The following COL14A1 variants were observed in gnomAD, a reference collection of about 807,000 sequenced individuals.
COL14A1 encodes the protein collagen alpha-1(XIV) chain.
COL14A1 carries 136 observed loss-of-function variants against 230.3 expected under a neutral mutation model. That is an observed-to-expected ratio of 0.59 (90% confidence interval 0.51 to 0.68). The LOEUF is 0.68. Ranked by LOEUF, COL14A1 falls within the 30% of genes least tolerant of loss-of-function variation. The probability of loss-of-function intolerance (pLI) is 0.00; values close to 1 mark genes in which losing one functional copy is unlikely to be tolerated. For missense variants in COL14A1, 1,976 were observed against 2,215.8 expected (o/e 0.89, Z 2.17); for synonymous variants, 792 against 784.1 (o/e 1.01, Z -0.17).
At chr8:120,318,370 G>C (rs1821310432) in intron 40 of COL14A1, among the ~76,000 whole-genome samples, 1 of 152,170 alleles carries the variant, frequency 6.6e-6, no homozygotes, top group Non-Finnish European at 1.5e-5. Context: ...CCTGGGGCCA[G>C]AAAGACAAAA....
intron 3 of COL14A1, 26 bp from the exon 4 acceptor site, chr8:120,162,400 T>C (rs1217385928): frequency 1.9e-6 from 3 of 1,576,774 alleles, no homozygotes; most frequent in East Asian, 2.2e-5. Flanking sequence ...TTCTTAGAAC[T>C]GATTTATTTT....
At chr8:120,241,984 C>G (rs1818621086) in intron 19 of COL14A1, among the ~76,000 whole-genome samples, 1 of 152,128 alleles carries the variant, frequency 6.6e-6, no homozygotes, top group South Asian at 2.1e-4. Flanking sequence ...CATGATGCTA[C>G]AAGTGGAAAA....
At chr8:120,360,987 C>G (rs1483622627) in intron 45 of COL14A1, among the ~76,000 whole-genome samples, 2 of 152,162 alleles carry the variant, frequency 1.3e-5, no homozygotes, top group Non-Finnish European at 2.9e-5. Context: ...CCTCTGCACC[C>G]CTGCTTCTAG....
chr8:120,195,746 A>G (rs1326721206), intron 5 of COL14A1, among the ~76,000 whole-genome samples: 3 of 152,210 alleles, frequency 2.0e-5, no homozygotes, highest in Admixed American at 6.5e-5. Context: ...AGAGAACAGC[A>G]TGGGAAATAC....
chr8:120,234,340 G>A (rs748016454), intron 19 of COL14A1, among the ~76,000 whole-genome samples: 13 of 151,978 alleles, frequency 8.6e-5, no homozygotes, highest in Non-Finnish European at 1.3e-4. Context: ...CCAGAACCTC[G>A]AATACTATGT....
chr8:120,196,678 A>C, intron 5 of COL14A1, 113 bp from the exon 6 acceptor site: 1 of 1,048,894 alleles, frequency 9.5e-7, no homozygotes, highest in South Asian at 1.8e-5. Context: ...GGCTGCTCCT[A>C]CGGGAACTCT....
At chr8:120,255,036 C>T (rs1349195277) in intron 22 of COL14A1, among the ~76,000 whole-genome samples, 1 of 152,002 alleles carries the variant, frequency 6.6e-6, no homozygotes, top group African/African-American at 2.4e-5. Context: ...GCAGACAGAC[C>T]ACATCATGCA....
intron 19 of COL14A1, among the ~76,000 whole-genome samples, chr8:120,232,498 A>G (rs1365270840): frequency 6.6e-6 from 1 of 152,126 alleles, no homozygotes; most frequent in Non-Finnish European, 1.5e-5. Context: ...ACTCCCACTT[A>G]TGAGTGAGAA....
intron 13 of COL14A1, 96 bp from the exon 14 acceptor site, chr8:120,216,255 T>G: frequency 1.0e-6 from 1 of 983,232 alleles, no homozygotes; most frequent in Non-Finnish European, 1.5e-6. Context: ...GGTGACACTT[T>G]TCATATGTAA....
intron 18 of COL14A1, among the ~76,000 whole-genome samples, chr8:120,230,049 C>T (rs1045441545): frequency 3.3e-5 from 5 of 152,096 alleles, no homozygotes; most frequent in Non-Finnish European, 5.9e-5. Flanking sequence ...CCTGGCTAAT[C>T]GTTTTGAATT....
At chr8:120,314,944 G>A (rs1027289454) in intron 38 of COL14A1, among the ~76,000 whole-genome samples, 13 of 152,130 alleles carry the variant, frequency 8.5e-5, no homozygotes, top group South Asian at 2.1e-4. Context: ...TGTTCAAGCC[G>A]CCCTGCATGT....
Position 120,158,146 on chromosome 8 carries a change from G to A in COL14A1, c.105G>A (p.Arg35=). 6.3e-7 allele frequency: 1 copy of A among 1,584,378 alleles called. No homozygotes were observed. The highest frequency in any genetic ancestry group is 8.6e-7 in the Non-Finnish European group (1 of 1,161,756). The part of the protein sequence containing the change: ...IVQGQVAPPT[R]LRYNVISHDS... ...CCTTTTCAGTGGCTCCACCCACAAG[G>A]TTAAGATATAATGTAATATCTCATG... The change falls in exon 3 of 48, where the codon AGG becomes AGA. Residue 35 remains arginine (R), a synonymous_variant. Transcript: ENST00000297848.
chr8:120,360,163 G>C (rs921487610), intron 45 of COL14A1, among the ~76,000 whole-genome samples: 4 of 152,112 alleles, frequency 2.6e-5, no homozygotes, highest in African/African-American at 7.2e-5. Flanking sequence ...AATAGCACAG[G>C]GTTTACCAGT....
chr8:120,278,522 C>G lies in COL14A1; in HGVS notation c.3425C>G (p.Thr1142Ser). ...RGIPKVIVVI[T>S]DGRSQDDVNK... is the part of the protein sequence containing the mutation. ...ATCCCAAAGGTTATCGTGGTTATAACTGATGGAAGATCACAAGATGATGTG... is the reference window on the plus strand; with the variant it reads ...ATCCCAAAGGTTATCGTGGTTATAAGTGATGGAAGATCACAAGATGATGTG... The change falls in exon 28 of 48, where the codon ACT (threonine) becomes AGT (serine). Residue 1142 changes from threonine to serine, a missense_variant. This residue lies in a region of COL14A1 where 1,791 missense variants were observed against 2,019.5 expected (regional missense o/e 0.89). Transcript: ENST00000297848. 6.2e-7 allele frequency: 1 copy of G among 1,613,060 alleles called. No individual in the cohort carries two copies. Among genetic ancestry groups the G allele is most frequent in the Non-Finnish European group, 8.5e-7 (1 of 1,179,474 alleles).
chr8:120,238,774 A>C (rs929686045), intron 19 of COL14A1, among the ~76,000 whole-genome samples: 3 of 152,150 alleles, frequency 2.0e-5, no homozygotes, highest in African/African-American at 7.2e-5. Flanking sequence ...GTGGGTTGCA[A>C]AGACCGTGGG....
rs753506696 is a variant in COL14A1 at position 120,270,153 on chromosome 8, G to T, written c.3192G>T (p.Lys1064Asn). The change falls in exon 26 of 48, where the codon AAG becomes AAT. Residue 1064 changes from lysine (K) to asparagine (N), a missense_variant. By Grantham distance (94) the Lys-to-Asn change is moderately conservative. Around this residue, in one of 3 missense-constraint regions of COL14A1, gnomAD observed 1,791 missense variants for 2,019.5 expected, o/e 0.89. Coordinates refer to ENST00000297848, the MANE Select transcript of COL14A1 (RefSeq NM_021110.4). ...FLYSTVGALN[K>N]IGTDGTQVAM... is the part of the protein sequence containing the mutation. Reference sequence around the variant, plus strand: ...ACAGCACTGTTGGAGCCCTGAACAAGATTGGCACAGATGGAACCCAAGTAA... The same window carrying T: ...ACAGCACTGTTGGAGCCCTGAACAATATTGGCACAGATGGAACCCAAGTAA... 1.4e-5 allele frequency: 22 copies of T among 1,610,524 alleles called. No homozygotes were observed. The highest frequency in any genetic ancestry group is 1.9e-5 in the Non-Finnish European group (22 of 1,177,982).
At chr8:120,166,910 G>GTGTGTGTA (rs1815906925) in intron 4 of COL14A1, among the ~76,000 whole-genome samples, 1 of 149,656 alleles carries the variant, frequency 6.7e-6, no homozygotes, top group Non-Finnish European at 1.5e-5. Context: ...GTGTGTGTGT[G>GTGTGTGTA]TGTGTGTGTG....
At position 120,300,713 on chromosome 8, in the gene COL14A1, T is replaced by C. The variant is rs1341598153; in HGVS notation, c.4315-19T>C. On this transcript the variant is annotated intron_variant, in intron 35 of 47. Coordinates refer to ENST00000297848, the MANE Select transcript of COL14A1 (RefSeq NM_021110.4). The stretch of plus-strand genomic sequence containing the variant: ...TAAACTGGCATGCTAATGGTTGTGC[T>C]TTTTTTGTTTCTTTTCAGAGAGATG... 6.3e-6 allele frequency: 10 copies of C among 1,596,836 alleles called. No individual in the cohort carries two copies. Among genetic ancestry groups the C allele is most frequent in the East Asian group, 2.2e-5 (1 of 44,718 alleles).
At chr8:120,141,563 G>C (rs959357151) in intron 1 of COL14A1, among the ~76,000 whole-genome samples, 9 of 151,440 alleles carry the variant, frequency 5.9e-5, no homozygotes, top group African/African-American at 2.2e-4. Context: ...GAAAACAAAA[G>C]AAAAGAAAAA....
Sources: gnomAD v4.1 joint callset for allele counts (sites outside exome capture counted in the v4.1 genomes callset) on GRCh38, gnomAD v4.1.1 for gene constraint, gnomAD v4.1.1 regional missense constraint, MANE v1.5 for transcripts, NCBI Gene and HGNC (gene_info 2026-07-23, HGNC 2026-07-21) for gene names.